RTN1: variants seen among roughly 807,000 people sequenced by gnomAD.
RTN1 encodes reticulon-1.
In RTN1, 25 loss-of-function variants were observed where a neutral mutation model predicts 65.5. The observed-to-expected ratio is 0.38, with a 90% confidence interval of 0.28 to 0.53. The LOEUF (loss-of-function observed/expected upper bound fraction) is 0.53, where lower values mean the gene tolerates loss of function less well. Ranked by LOEUF, RTN1 falls within the 20% of genes least tolerant of loss-of-function variation. The pLI, the probability that RTN1 is intolerant of heterozygous loss-of-function variation, is 0.79. For missense variants in RTN1, 983 were observed against 1,025.4 expected (o/e 0.96, Z 0.57); for synonymous variants, 471 against 447.6 (o/e 1.05, Z -0.66).
chr14:59,679,126 C>A (rs1883690309), intron 3 of RTN1, among the ~76,000 whole-genome samples: 1 of 152,080 alleles, frequency 6.6e-6, no homozygotes, highest in Admixed American at 6.5e-5. Flanking sequence ...TAGAAAAAGG[C>A]CAAGATAATC....
intron 1 of RTN1, among the ~76,000 whole-genome samples, chr14:59,773,357 G>A (rs1262538960): frequency 6.6e-6 from 1 of 152,036 alleles, no homozygotes; most frequent in African/African-American, 2.4e-5. Flanking sequence ...ACTGAAGATA[G>A]TACTATGTCA....
At chr14:59,647,735 T>G (rs766067387) in intron 3 of RTN1, among the ~76,000 whole-genome samples, 1 of 152,162 alleles carries the variant, frequency 6.6e-6, no homozygotes, top group Non-Finnish European at 1.5e-5. Context: ...TCTTTGAAAC[T>G]AATGAGAACA....
At chr14:59,768,569 C>A (rs1885893501) in intron 1 of RTN1, among the ~76,000 whole-genome samples, 1 of 152,184 alleles carries the variant, frequency 6.6e-6, no homozygotes, top group African/African-American at 2.4e-5. Context: ...ACGTCCTCTG[C>A]ACCTTCACTC....
At chr14:59,786,003 T>G (rs984306919) in intron 1 of RTN1, among the ~76,000 whole-genome samples, 1 of 152,210 alleles carries the variant, frequency 6.6e-6, no homozygotes, top group Non-Finnish European at 1.5e-5. Flanking sequence ...TTTCTCATTT[T>G]GGCCACAAGG....
intron 1 of RTN1, among the ~76,000 whole-genome samples, chr14:59,801,881 G>A (rs576024203): frequency 3.3e-5 from 5 of 152,214 alleles, no homozygotes; most frequent in African/African-American, 4.8e-5. Flanking sequence ...ATCTGTGTTC[G>A]TGGGTAACAC....
intron 1 of RTN1, among the ~76,000 whole-genome samples, chr14:59,823,096 C>A (rs1351130764): frequency 6.6e-6 from 1 of 152,090 alleles, no homozygotes; most frequent in Non-Finnish European, 1.5e-5. Flanking sequence ...ACACTGTTGT[C>A]ACTGGAGAGT....
intron 5 of RTN1, 100 bp downstream of exon 5, chr14:59,605,268 C>A: frequency 7.9e-7 from 1 of 1,270,466 alleles, no homozygotes; most frequent in Non-Finnish European, 1.1e-6. Flanking sequence ...ATATAATTAG[C>A]ACTTGCTTTT....
At chr14:59,834,203 C>T (rs1209968189) in intron 1 of RTN1, among the ~76,000 whole-genome samples, 1 of 151,930 alleles carries the variant, frequency 6.6e-6, no homozygotes, top group East Asian at 1.9e-4. Context: ...ACATCATATA[C>T]AAAAATTAAC....
intron 3 of RTN1, among the ~76,000 whole-genome samples, chr14:59,695,945 AT>A (rs1884054995): frequency 6.6e-6 from 1 of 152,070 alleles, no homozygotes; most frequent in African/African-American, 2.4e-5. Flanking sequence ...TGATATGTTG[AT>A]TTGGCCCCAA....
intron 3 of RTN1, among the ~76,000 whole-genome samples, chr14:59,717,398 T>C (rs1478880483): frequency 6.6e-6 from 1 of 152,162 alleles, no homozygotes; most frequent in African/African-American, 2.4e-5. Flanking sequence ...TCTTGTGTAA[T>C]AAAGTCATGC....
intron 1 of RTN1, among the ~76,000 whole-genome samples, chr14:59,834,939 T>C (rs1456819957): frequency 2.0e-5 from 3 of 152,228 alleles, no homozygotes; most frequent in African/African-American, 7.2e-5. Context: ...GAAAACAGTT[T>C]TGCAGTTTCT....
intron 1 of RTN1, among the ~76,000 whole-genome samples, chr14:59,747,906 T>C (rs189331019): frequency 2.0e-5 from 3 of 152,300 alleles, no homozygotes; most frequent in Non-Finnish European, 4.4e-5. Context: ...ATAACTCATA[T>C]AAAAGTCATC....
rs1032935452 is a variant in RTN1 at position 59,790,698 on chromosome 14, T to A, written c.242-44217A>T. On this transcript the variant is annotated intron_variant, in intron 1 of 8. Transcript: ENST00000267484. This position sits in a 1 kb window ranked among gnomAD's most constrained non-coding sequence, Gnocchi z 4.1. ...GTAAAATCAGTTACTTCAAGACTTT[T>A]TTTGCAAGTTCTTTTTAATGTTTTT... Among the ~76,000 whole-genome samples, 2 of 152,210 alleles carry A rather than the reference T, an allele frequency of 1.3e-5. No individual in the cohort carries two copies. The highest frequency in any genetic ancestry group is 4.8e-5 in the African/African-American group (2 of 41,472).
In RTN1 at chr14:59,603,319, G is replaced by A; in HGVS notation, c.2183-61C>T. ...AGTTATCAATAAGAATACGCTTATA[G>A]ACACATTTTTATATGGTTATATGAT... On this transcript the variant is annotated intron_variant, in intron 6 of 8. Transcript: ENST00000267484. 3.9e-6 allele frequency: 5 copies of A among 1,295,122 alleles called. No homozygotes were observed. In the Admixed American group the frequency reaches 9.3e-5, roughly 24 times the overall value. The allele number at this position is 1,295,122 out of a possible 1,614,324, so 80.2% of individuals were successfully genotyped here.
intron 1 of RTN1, among the ~76,000 whole-genome samples, chr14:59,749,466 A>ATAC: frequency 1.0e-5 from 1 of 96,938 alleles, no homozygotes; most frequent in African/African-American, 4.6e-5. Context: ...ATATATATCT[A>ATAC]ATCTATCTAT....
At chr14:59,659,151 T>G (rs1395135819) in intron 3 of RTN1, among the ~76,000 whole-genome samples, 1 of 149,634 alleles carries the variant, frequency 6.7e-6, no homozygotes, top group African/African-American at 2.5e-5. Flanking sequence ...GAAGATCAAC[T>G]GAATGAAATA....
intron 3 of RTN1, among the ~76,000 whole-genome samples, chr14:59,679,613 A>T (rs1883702697): frequency 6.6e-6 from 1 of 152,200 alleles, no homozygotes; most frequent in Admixed American, 6.5e-5. Context: ...TAATAATTTC[A>T]TTGTTAATCA....
intron 3 of RTN1, among the ~76,000 whole-genome samples, chr14:59,653,848 C>T (rs919334645): frequency 6.6e-6 from 1 of 152,040 alleles, no homozygotes; most frequent in Admixed American, 6.6e-5. Context: ...ATGGATAGAA[C>T]TAAACAGAAT....
intron 1 of RTN1, among the ~76,000 whole-genome samples, chr14:59,792,500 C>T (rs1566728670): frequency 6.6e-6 from 1 of 152,000 alleles, no homozygotes; most frequent in African/African-American, 2.4e-5. Flanking sequence ...ACTGGGTAAG[C>T]TTTGTTTATT....
Sources: allele counts gnomAD v4.1 joint callset (sites outside exome capture counted in the v4.1 genomes callset), GRCh38; gene constraint gnomAD v4.1.1; non-coding constraint Gnocchi (gnomAD v3.1); transcripts MANE v1.5; gene names NCBI Gene and HGNC (gene_info 2026-07-23, HGNC 2026-07-21).